Variants in GRTP1 observed in about 807,000 individuals in gnomAD.
The protein encoded by GRTP1 is growth hormone regulated TBC protein 1.
A neutral mutation model predicts 38.1 loss-of-function variants in GRTP1; 56 were observed. That is an observed-to-expected ratio of 1.47 (90% CI 1.19 to 1.84). The LOEUF is 1.84. Ranked by LOEUF, GRTP1 falls within the 40% of genes most tolerant of loss-of-function variation. The pLI, the probability that GRTP1 is intolerant of heterozygous loss-of-function variation, is 0.00. For synonymous variants in GRTP1, 217 were observed against 189.5 expected, an observed-to-expected ratio of 1.14 and a Z score of -1.19; for missense variants, 506 against 453.9, an observed-to-expected ratio of 1.11 and a Z score of -1.04.
chr13:113,341,895 C>T (rs1230200216), intron 5 of GRTP1, among the ~76,000 whole-genome samples: 1 of 152,116 alleles, frequency 6.6e-6, no homozygotes, highest in Non-Finnish European at 1.5e-5. Flanking sequence ...TCAAGTGATC[C>T]TCTCACCTTG....
chr13:113,351,098 C>T, intron 3 of GRTP1, 125 bp from the exon 4 acceptor site: 19 of 1,235,350 alleles, frequency 1.5e-5, no homozygotes, highest in Non-Finnish European at 2.0e-5. Flanking sequence ...TCACCCTGGC[C>T]GCACAGCAGA....
intron 3 of GRTP1, among the ~76,000 whole-genome samples, chr13:113,351,214 A>G (rs912013): frequency 0.99 from 150,006 of 152,202 alleles, 73,958 homozygotes; most frequent in Middle Eastern, 1. Flanking sequence ...AGTCAGGGAC[A>G]GCAGAGCGAC....
rs748273985 is a variant in GRTP1 at position 113,325,915 on chromosome 13, T to C, written c.735+4A>G. On this transcript the variant is annotated splice_donor_region_variant and intron_variant, in intron 6 of 7. Transcript: ENST00000375431. Reference sequence around the variant, plus strand: ...CCGCCCCAGGGCCCGAGTGAGGCGCTCACCTCCACGGGCAAGATGTCCACA... The same window carrying C: ...CCGCCCCAGGGCCCGAGTGAGGCGCCCACCTCCACGGGCAAGATGTCCACA... 2.8e-5 allele frequency: 45 copies of C among 1,613,176 alleles called. No homozygotes were observed. The highest frequency in any genetic ancestry group is 3.7e-5 in the Non-Finnish European group (44 of 1,179,826).
intron 7 of GRTP1, 137 bp downstream of exon 7, chr13:113,325,522 CAG>C (rs1777935770): frequency 2.0e-6 from 3 of 1,528,478 alleles, no homozygotes; most frequent in Non-Finnish European, 8.8e-7. Flanking sequence ...AGATGCAGGA[CAG>C]AGCTGGAGGC....
rs938192449 is a variant in GRTP1 at position 113,324,852 on chromosome 13, A to G, written c.922-275T>C. 2.0e-4 allele frequency: 222 copies of G among 1,103,556 alleles called. 1 individual carries two copies. In the African/African-American group the frequency reaches 3.4e-3, roughly 17 times the overall value. The allele number at this position is 1,103,556 out of a possible 1,614,324, so 68.4% of individuals were successfully genotyped here. A position where few individuals can be genotyped will look rare whatever the true frequency, so the allele number is the denominator to read the frequency against. On this transcript the variant is annotated intron_variant, in intron 7 of 7. Coordinates refer to ENST00000375431, the MANE Select transcript of GRTP1 (RefSeq NM_024719.4). ...GACTTTTTTTTTTTTTTTGAGACAG[A>G]GTCTCACTCTGTTGCCCAGGCTGGA...
intron 5 of GRTP1, among the ~76,000 whole-genome samples, chr13:113,334,986 C>G (rs1205846372): frequency 1.3e-5 from 2 of 151,834 alleles, no homozygotes; most frequent in Non-Finnish European, 2.9e-5. Flanking sequence ...CCACGCCCGG[C>G]TAATTTTTTG....
chr13:113,345,114 G>T, intron 4 of GRTP1, 155 bp from the exon 5 acceptor site: 1 of 319,880 alleles, frequency 3.1e-6, no homozygotes, highest in Non-Finnish European at 4.5e-6. Context: ...GAACTCTAGA[G>T]TCACTAAATA....
intron 2 of GRTP1, among the ~76,000 whole-genome samples, chr13:113,359,203 A>G (rs2043449201): frequency 6.6e-6 from 1 of 152,226 alleles, no homozygotes; most frequent in Admixed American, 6.5e-5. Context: ...GGAATGGGGA[A>G]GAGCTCAGTG....
At position 113,343,795 on chromosome 13, in the gene GRTP1, C is replaced by A. The variant is rs980105092; in HGVS notation, c.562+1068G>T. Among the ~76,000 whole-genome samples the A allele has an allele frequency of 6.6e-6, 1 of 152,204 alleles. No individual in the cohort carries two copies. The highest frequency in any genetic ancestry group is 1.5e-5 in the Non-Finnish European group (1 of 68,040). ...AACACTGGGGACTGGCCCGGCTGCC[C>A]CTCACGTCTCCTCTGCCCTGCAGGA... is the stretch of plus-strand genomic sequence containing the variant. On this transcript the variant is annotated intron_variant, in intron 5 of 7. Coordinates refer to ENST00000375431, the MANE Select transcript of GRTP1 (RefSeq NM_024719.4). This position sits in a 1 kb window ranked among gnomAD's most constrained non-coding sequence, Gnocchi z 4.8.
intron 2 of GRTP1, chr13:113,362,001 T>G (rs1222344212): frequency 6.6e-6 from 1 of 151,938 alleles, no homozygotes; most frequent in African/African-American, 2.4e-5. Flanking sequence ...ATAGAAAAAT[T>G]AGCCTGGCGT....
intron 5 of GRTP1, among the ~76,000 whole-genome samples, chr13:113,334,124 C>T (rs921611772): frequency 2.6e-5 from 4 of 152,202 alleles, no homozygotes; most frequent in African/African-American, 7.2e-5. Flanking sequence ...GGTGAGCCGC[C>T]GCGCCTGGCC....
intron 4 of GRTP1, among the ~76,000 whole-genome samples, chr13:113,347,707 A>C (rs894418019): frequency 2.7e-3 from 33 of 12,290 alleles, no homozygotes; most frequent in African/African-American, 4.8e-3. Flanking sequence ...CCTCTGTGGC[A>C]GAGAGCAGAC....
In GRTP1 at chr13:113,349,311, C is replaced by T. The variant is rs912470073; in HGVS notation, c.465+1538G>A. Among the ~76,000 whole-genome samples the T allele has an allele frequency of 2.0e-5, 3 of 152,080 alleles. No homozygotes were observed. Among genetic ancestry groups the T allele is most frequent in the African/African-American group, 7.2e-5 (3 of 41,408 alleles). The stretch of plus-strand genomic sequence containing the variant: ...CCAAACGACCCTCTCACCTCAGCCC[C>T]TCGAGCAGCCGGGACCACAGGCGTG... On this transcript the variant is annotated intron_variant, in intron 4 of 7. Transcript: ENST00000375431. The surrounding 1 kb of genome is among the most constrained non-coding windows in gnomAD (Gnocchi z 5.0).
intron 2 of GRTP1, among the ~76,000 whole-genome samples, chr13:113,356,656 G>A (rs1444056335): frequency 6.6e-6 from 1 of 152,130 alleles, no homozygotes; most frequent in Non-Finnish European, 1.5e-5. Flanking sequence ...AATTCTATAA[G>A]CTGCCTTAAA....
At position 113,342,976 on chromosome 13, in the gene GRTP1, G is replaced by A. The variant is rs2043046953; in HGVS notation, c.562+1887C>T. 6.6e-6 allele frequency among the ~76,000 whole-genome samples: 1 copy of A among 152,002 alleles called. No individual in the cohort carries two copies. The highest frequency in any genetic ancestry group is 1.5e-5 in the Non-Finnish European group (1 of 68,016). ...CCTCTAGGTTGGTGCTGAGCCCTCC[G>A]ACCTGAGCTCTCACCTGCTGCTGCT... is the stretch of plus-strand genomic sequence containing the variant. On this transcript the variant is annotated intron_variant, in intron 5 of 7. Transcript: ENST00000375431. This position sits in a 1 kb window ranked among gnomAD's most constrained non-coding sequence, Gnocchi z 4.5.
intron 5 of GRTP1, among the ~76,000 whole-genome samples, chr13:113,338,086 C>T (rs1197605506): frequency 3.9e-5 from 6 of 152,362 alleles, no homozygotes; most frequent in Admixed American, 6.5e-5. Flanking sequence ...CGCAGTCTTC[C>T]GAGACAGGGC....
At chr13:113,356,070 T>C (rs1185240646) in intron 2 of GRTP1, among the ~76,000 whole-genome samples, 1 of 152,176 alleles carries the variant, frequency 6.6e-6, no homozygotes, top group African/African-American at 2.4e-5. Context: ...CCAAAAGCCA[T>C]GAGCTATCTT....
intron 2 of GRTP1, chr13:113,359,556 AGAGCAAGACC>A (rs2043456642): frequency 6.6e-6 from 1 of 152,222 alleles, no homozygotes; most frequent in South Asian, 2.1e-4. Flanking sequence ...CCTGGGTGAC[AGAGCAAGACC>A]CTGTCTCGAT....
At chr13:113,329,837 A>G (rs1254127537) in intron 5 of GRTP1, among the ~76,000 whole-genome samples, 2 of 152,242 alleles carry the variant, frequency 1.3e-5, no homozygotes, top group African/African-American at 4.8e-5. Context: ...CTTCTTCAGT[A>G]TTAACACAAT....
Sources: gnomAD v4.1 joint callset for allele counts (sites outside exome capture counted in the v4.1 genomes callset) on GRCh38, gnomAD v4.1.1 for gene constraint, Gnocchi (gnomAD v3.1) non-coding constraint, MANE v1.5 for transcripts, NCBI Gene and HGNC (gene_info 2026-07-23, HGNC 2026-07-21) for gene names.